Variants in CHUK observed in about 807,000 individuals in gnomAD.
The protein encoded by CHUK is inhibitor of nuclear factor kappa-B kinase subunit alpha.
Under a neutral mutation model 104.8 loss-of-function variants are expected in CHUK, and 35 were observed. The observed-to-expected ratio is 0.33, with a 90% CI of 0.26 to 0.44. The LOEUF is 0.44. Among genes scored for constraint, CHUK ranks in the 20% least tolerant of loss-of-function variants. The pLI is 1.00. For synonymous variants in CHUK, 276 were observed against 291.9 expected (o/e 0.95, Z 0.56); for missense variants, 663 against 902.7 (o/e 0.73, Z 3.40).
chr10:100,215,383 T>C (rs779957878), intron 9 of CHUK, among the ~76,000 whole-genome samples: 21 of 152,264 alleles, frequency 1.4e-4, no homozygotes, highest in Admixed American at 2.6e-4. Context: ...TAAATAACTT[T>C]AGGAGTTAGC....
intron 5 of CHUK, 127 bp downstream of exon 5, chr10:100,220,461 G>C (rs1845960931): frequency 1.4e-6 from 1 of 728,276 alleles, no homozygotes; most frequent in Non-Finnish European, 2.5e-6. Flanking sequence ...GTTCAGTGTG[G>C]TGAGGTCTGA....
At chr10:100,201,450 C>T (rs2134217004) in intron 14 of CHUK, among the ~76,000 whole-genome samples, 1 of 152,276 alleles carries the variant, frequency 6.6e-6, no homozygotes, top group African/African-American at 2.4e-5. Context: ...CCAGGTAAAC[C>T]AGGATGTGCA....
chr10:100,229,152 C>T (rs983855315), intron 1 of CHUK, among the ~76,000 whole-genome samples: 50 of 152,148 alleles, frequency 3.3e-4, no homozygotes, highest in Non-Finnish European at 1.0e-4. Context: ...GAGACACACA[C>T]GCACTGTCAC....
chr10:100,211,586 TTC>T (rs1392240527), intron 9 of CHUK, among the ~76,000 whole-genome samples: 1 of 152,228 alleles, frequency 6.6e-6, no homozygotes, highest in Non-Finnish European at 1.5e-5. Flanking sequence ...CACGCAGTAT[TTC>T]TCTTTCTGTG....
rs1320508779 is a variant in CHUK at position 100,188,500 on chromosome 10, C to A, written c.*1098G>T. On this transcript the variant is annotated 3_prime_UTR_variant, in exon 21 of 21. Coordinates refer to ENST00000370397, the MANE Select transcript of CHUK (RefSeq NM_001278.5). ...GGTCCACAGTCCTTTCTCTGAAACC[C>A]TTGGGGCAAGTTGTTTCAGAATTAT... 1.3e-5 allele frequency: 2 copies of A among 152,598 alleles called. No individual in the cohort carries two copies. Among genetic ancestry groups the A allele is most frequent in the Non-Finnish European group, 2.9e-5 (2 of 68,022 alleles). The allele number at this position is 152,598 out of a possible 1,614,324, so 9.5% of individuals were successfully genotyped here.
rs1240747234 is a variant in CHUK, at chr10:100,204,587, G to A, written c.1426C>T (p.Leu476=). Residue 476 remains leucine, a synonymous_variant, in exon 13 of 21, where the codon CTG becomes TTG. Transcript: ENST00000370397. ...TGAAAAAACTCCAATTTAGCTTTCA[G>A]TTGTTGTGATGCTGAGATCAAAGTG... ...KNTLISASQQ[L]KAKLEFFHKS... is the part of the protein sequence containing the mutation. 1 of 1,613,310 alleles carries A rather than the reference G, an allele frequency of 6.2e-7. No individual in the cohort carries two copies. Among genetic ancestry groups the A allele is most frequent in the Admixed American group, 1.7e-5 (1 of 60,012 alleles).
chr10:100,189,834 C>T (rs1327829220), intron 20 of CHUK, among the ~76,000 whole-genome samples: 279 of 139,116 alleles, frequency 2.0e-3, no homozygotes, highest in African/African-American at 7.0e-3. Context: ...CTTTTCTTTT[C>T]TTTTTTTTTT....
At chr10:100,218,956 GA>G (rs1845923906) in intron 7 of CHUK, 51 bp downstream of exon 7, 1 of 1,604,420 alleles carries the variant, frequency 6.2e-7, no homozygotes, top group Non-Finnish European at 8.5e-7. Flanking sequence ...AAAGACAAAT[GA>G]AAAAATTTCC....
chr10:100,214,065 T>C (rs1262982017), intron 9 of CHUK, among the ~76,000 whole-genome samples: 1 of 152,172 alleles, frequency 6.6e-6, no homozygotes, highest in Non-Finnish European at 1.5e-5. Context: ...TTTCACACTA[T>C]GACAGCTGCC....
chr10:100,193,035 A>T (rs1053974833), intron 19 of CHUK: 5 of 478,730 alleles, frequency 1.0e-5, no homozygotes, highest in African/African-American at 9.8e-5. Flanking sequence ...AATACGCAAC[A>T]TTTGCTGAAC....
At chr10:100,223,081 A>C (rs1311068380) in intron 2 of CHUK, 101 bp from the exon 3 acceptor site, 3 of 664,584 alleles carry the variant, frequency 4.5e-6, no homozygotes, top group Non-Finnish European at 8.2e-6. Context: ...ACAGAGGGGG[A>C]AAGATCAGTA....
At chr10:100,204,167 AT>A (rs1413228515) in intron 13 of CHUK, among the ~76,000 whole-genome samples, 1 of 152,166 alleles carries the variant, frequency 6.6e-6, no homozygotes, top group African/African-American at 2.4e-5. Flanking sequence ...CAACATATGT[AT>A]TTTGGGGGGG....
chr10:100,191,798 C>T (rs545792184), intron 19 of CHUK, among the ~76,000 whole-genome samples: 23 of 152,284 alleles, frequency 1.5e-4, no homozygotes, highest in African/African-American at 5.5e-4. Context: ...ACCACAGGTA[C>T]ATTATAATTG....
chr10:100,210,092 T>A (rs567052668), intron 9 of CHUK, among the ~76,000 whole-genome samples: 37 of 82,004 alleles, frequency 4.5e-4, no homozygotes, highest in Admixed American at 8.1e-4. Context: ...TATTTATTTA[T>A]TTTTTTTTTT....
At chr10:100,226,899 G>T (rs1291712229) in intron 1 of CHUK, among the ~76,000 whole-genome samples, 1 of 152,090 alleles carries the variant, frequency 6.6e-6, no homozygotes. Flanking sequence ...TGAATTGGAG[G>T]GTGAGAGGAA....
At chr10:100,217,845 C>G in intron 9 of CHUK, 150 bp downstream of exon 9, 1 of 843,098 alleles carries the variant, frequency 1.2e-6, no homozygotes, top group East Asian at 2.7e-5. Context: ...CCACTGCACT[C>G]CAGCCTAGGT....
At chr10:100,207,570 T>C (rs747521892) in intron 10 of CHUK, among the ~76,000 whole-genome samples, 5 of 152,120 alleles carry the variant, frequency 3.3e-5, no homozygotes, top group Non-Finnish European at 7.3e-5. Flanking sequence ...CAAAAAGATA[T>C]ATACAGTGAA....
At chr10:100,212,411 T>C (rs1232452543) in intron 9 of CHUK, among the ~76,000 whole-genome samples, 2 of 152,228 alleles carry the variant, frequency 1.3e-5, no homozygotes, top group African/African-American at 4.8e-5. Flanking sequence ...CACCTTTTCA[T>C]ATGTTTGTTG....
intron 12 of CHUK, 136 bp downstream of exon 12, chr10:100,204,940 T>C: frequency 9.8e-7 from 1 of 1,021,714 alleles, no homozygotes; most frequent in Non-Finnish European, 1.5e-6. Flanking sequence ...TCTACAAGTT[T>C]ATCAGAACAT....
Sources: allele counts gnomAD v4.1 joint callset (sites outside exome capture counted in the v4.1 genomes callset), GRCh38; gene constraint gnomAD v4.1.1; transcripts MANE v1.5; gene names NCBI Gene and HGNC (gene_info 2026-07-23, HGNC 2026-07-21).